Variants in PTPRD observed in about 807,000 individuals in gnomAD.
PTPRD encodes the protein protein tyrosine phosphatase receptor type D, also known as receptor-type tyrosine-protein phosphatase delta.
Under a neutral mutation model 214.5 loss-of-function variants are expected in PTPRD, and 34 were observed. The observed-to-expected ratio is 0.16, with a 90% CI of 0.12 to 0.21. PTPRD has a LOEUF of 0.21. PTPRD is among the 10% of genes least tolerant of loss of function. PTPRD has a pLI of 1.00. For synonymous variants in PTPRD, 1,128 were observed against 845.7 expected (o/e 1.33, Z -5.79); for missense variants, 2,545 against 2,398.7 (o/e 1.06, Z -1.27).
chr9:10,233,911 C>T (rs950427633), intron 3 of PTPRD, among the ~76,000 whole-genome samples: 1 of 151,822 alleles, frequency 6.6e-6, no homozygotes, highest in African/African-American at 2.4e-5. Flanking sequence ...TAATTGGAAT[C>T]ACTGACATAG....
At chr9:10,600,299 C>T (rs1220324573) in intron 2 of PTPRD, among the ~76,000 whole-genome samples, 2 of 151,638 alleles carry the variant, frequency 1.3e-5, no homozygotes, top group South Asian at 2.1e-4. Flanking sequence ...ATCAAAGCTA[C>T]ACTTTAAAAA....
intron 8 of PTPRD, among the ~76,000 whole-genome samples, chr9:9,420,738 T>C (rs1383017010): frequency 6.6e-6 from 1 of 151,916 alleles, no homozygotes; most frequent in Non-Finnish European, 1.5e-5. Context: ...AAAATAATTA[T>C]GTAGCTCAAT....
intron 8 of PTPRD, among the ~76,000 whole-genome samples, chr9:9,528,948 T>C (rs1007168482): frequency 6.6e-6 from 1 of 150,580 alleles, no homozygotes; most frequent in African/African-American, 2.4e-5. Context: ...CTTTTTTTTT[T>C]TTTTTTTTGA....
intron 8 of PTPRD, among the ~76,000 whole-genome samples, chr9:9,570,955 G>A (rs763178688): frequency 9.6e-4 from 145 of 151,188 alleles, no homozygotes; most frequent in African/African-American, 2.0e-3. Flanking sequence ...ACTGAAACAC[G>A]TTAGCTAACT....
At chr9:8,702,419 A>G (rs1200343833) in intron 12 of PTPRD, among the ~76,000 whole-genome samples, 1 of 152,114 alleles carries the variant, frequency 6.6e-6, no homozygotes, top group Non-Finnish European at 1.5e-5. Flanking sequence ...TTCAACAAAC[A>G]TTTACTGATT....
intron 4 of PTPRD, among the ~76,000 whole-genome samples, chr9:9,960,630 A>G (rs994175294): frequency 6.6e-6 from 1 of 152,158 alleles, no homozygotes; most frequent in Non-Finnish European, 1.5e-5. Context: ...ACAACCAATT[A>G]TCTTAATCTT....
chr9:9,728,059 A>G (rs1190452787), intron 7 of PTPRD, among the ~76,000 whole-genome samples: 1 of 152,068 alleles, frequency 6.6e-6, no homozygotes, highest in African/African-American at 2.4e-5. Flanking sequence ...AATAAGTCTC[A>G]TGCGATCTGA....
intron 9 of PTPRD, among the ~76,000 whole-genome samples, chr9:9,384,296 G>A (rs1046482404): frequency 7.9e-6 from 1 of 126,734 alleles, no homozygotes; most frequent in African/African-American, 2.9e-5. Context: ...TTTACGTCAG[G>A]TATAAAAGGT....
At chr9:9,664,804 T>A (rs2096685297) in intron 7 of PTPRD, among the ~76,000 whole-genome samples, 1 of 151,664 alleles carries the variant, frequency 6.6e-6, no homozygotes, top group Admixed American at 6.6e-5. Flanking sequence ...TTGTTGTATG[T>A]TAATGAGAAA....
intron 9 of PTPRD, among the ~76,000 whole-genome samples, chr9:9,354,199 C>A (rs2052696793): frequency 6.6e-6 from 1 of 151,714 alleles, no homozygotes; most frequent in Non-Finnish European, 1.5e-5. Flanking sequence ...AGTTAACTGT[C>A]CCATATAATA....
At chr9:9,585,445 C>A (rs16929823) in intron 7 of PTPRD, among the ~76,000 whole-genome samples, 6 of 151,990 alleles carry the variant, frequency 3.9e-5, no homozygotes, top group Non-Finnish European at 8.8e-5. Flanking sequence ...GTATTTCTGG[C>A]CTAGGTGCTA....
At chr9:8,818,396 C>G (rs985104305) in intron 11 of PTPRD, among the ~76,000 whole-genome samples, 1 of 152,080 alleles carries the variant, frequency 6.6e-6, no homozygotes, top group Non-Finnish European at 1.5e-5. Context: ...TATAATACTG[C>G]CTTTAACAAT....
chr9:9,411,436 A>T lies in PTPRD; in HGVS notation c.-236-13954T>A, dbSNP rs557815964. Among the ~76,000 whole-genome samples the T allele has an allele frequency of 3.3e-5, 5 of 152,280 alleles. No homozygotes were observed. The South Asian group carries it at 1.0e-3, about 32-fold the overall frequency. On this transcript the variant is annotated intron_variant, in intron 8 of 45. Transcript: ENST00000381196. ...GTGGGTTTGTGTGGAAATAGTGCCT[A>T]TGAAGATCATCATCAATATCCAGAA... is the stretch of plus-strand genomic sequence containing the variant.
At chr9:10,296,627 G>T (rs1030004796) in intron 3 of PTPRD, among the ~76,000 whole-genome samples, 4 of 151,986 alleles carry the variant, frequency 2.6e-5, no homozygotes, top group Admixed American at 2.0e-4. Flanking sequence ...GTCATTGGCT[G>T]TCTGTGCAGT....
At chr9:9,511,753 A>T (rs2096714611) in intron 8 of PTPRD, among the ~76,000 whole-genome samples, 2 of 151,780 alleles carry the variant, frequency 1.3e-5, no homozygotes, top group African/African-American at 4.8e-5. Context: ...TATACTTTAG[A>T]TAATTGTATT....
chr9:9,915,538 T>C (rs2080482561), intron 5 of PTPRD, among the ~76,000 whole-genome samples: 1 of 151,380 alleles, frequency 6.6e-6, no homozygotes, highest in African/African-American at 2.4e-5. Context: ...ATAGATATCA[T>C]TAAAAAAAGA....
chr9:8,414,930 G>GAGAGAGAGAGAGAGA (rs2093802531), intron 35 of PTPRD, among the ~76,000 whole-genome samples: 1 of 49,264 alleles, frequency 2.0e-5, no homozygotes, highest in African/African-American at 7.8e-5. Flanking sequence ...AGAGGGAGGG[G>GAGAGAGAGAGAGAGA]GAGAGAGAGA....
chr9:9,281,898 T>C (rs1343480573), intron 9 of PTPRD, among the ~76,000 whole-genome samples: 1 of 151,024 alleles, frequency 6.6e-6, no homozygotes, highest in Non-Finnish European at 1.5e-5. Flanking sequence ...TATATCCAGA[T>C]GATGAAATAT....
In PTPRD at chr9:8,850,259, T is replaced by A. The variant is rs184586676; in HGVS notation, c.-103-116313A>T. On this transcript the variant is annotated intron_variant, in intron 11 of 45. Transcript: ENST00000381196. The stretch of plus-strand genomic sequence containing the variant: ...AAGCGAGGAAATTTATTTTGAAGGT[T>A]ATCTATGTAGAAATTATTGTTTCTA... Among the ~76,000 whole-genome samples the A allele has an allele frequency of 5.9e-5, 9 of 152,306 alleles. No individual in the cohort carries two copies. The East Asian group carries it at 1.3e-3, about 23-fold the overall frequency.
Sources: gnomAD v4.1 joint callset for allele counts (sites outside exome capture counted in the v4.1 genomes callset) on GRCh38, gnomAD v4.1.1 for gene constraint, MANE v1.5 for transcripts, NCBI Gene and HGNC (gene_info 2026-07-23, HGNC 2026-07-21) for gene names.